Variants in FNBP4 observed in about 807,000 individuals in gnomAD.
FNBP4 encodes the protein formin binding protein 4.
A neutral mutation model predicts 119.3 loss-of-function variants in FNBP4; 34 were observed. That is an observed-to-expected ratio of 0.28 (90% CI 0.22 to 0.38). FNBP4 has a LOEUF of 0.38. FNBP4 is among the 10% of genes least tolerant of loss of function. The pLI, the probability that FNBP4 is intolerant of heterozygous loss-of-function variation, is 1.00. For synonymous variants in FNBP4, 462 were observed against 430.6 expected, an observed-to-expected ratio of 1.07 and a Z score of -0.90; for missense variants, 1,112 against 1,228.9, an observed-to-expected ratio of 0.90 and a Z score of 1.42.
chr11:47,720,023 A>C lies in FNBP4; in HGVS notation c.2869T>G (p.Leu957Val), dbSNP rs767735253. 1 of 1,613,826 alleles carries C rather than the reference A, an allele frequency of 6.2e-7. No homozygotes were observed. Among genetic ancestry groups the C allele is most frequent in the South Asian group, 1.1e-5 (1 of 91,078 alleles). Residue 957 changes from leucine to valine, a missense_variant, in exon 16 of 17, where the codon TTA becomes GTA. Transcript: ENST00000263773. ...VKKWQSIQRE[L>V]DEEDNSSSSE... ...GAACTAGAATTGTCCTCTTCATCTA[A>C]CTCACGCTGGATACTCTGCCACTTT...
chr11:47,758,732 G>A (rs748141692), intron 2 of FNBP4, among the ~76,000 whole-genome samples: 11 of 151,444 alleles, frequency 7.3e-5, no homozygotes, highest in African/African-American at 1.5e-4. Context: ...GGTGGTGCGC[G>A]CCTGTAATCC....
At position 47,767,291 on chromosome 11, in the gene FNBP4, C is replaced by G. The variant is rs202085842; in HGVS notation, c.-3G>C. On this transcript the variant is annotated 5_prime_UTR_variant, in exon 1 of 17. Coordinates refer to ENST00000263773, the MANE Select transcript of FNBP4 (RefSeq NM_015308.5). ...ACCGCCCGGGACTTCTTCCCCATCG[C>G]GAGCCCAAGCGCGAGCAGAGAGCGT... 7 of 1,503,656 alleles carry G rather than the reference C, an allele frequency of 4.7e-6. No homozygotes were observed. In the South Asian group the frequency reaches 6.3e-5, roughly 14 times the overall value. 93.1% of individuals were successfully genotyped at this position (1,503,656 alleles called of 1,614,324 possible). A position where few individuals can be genotyped will look rare whatever the true frequency, so the allele number is the denominator to read the frequency against.
At chr11:47,762,638 T>C (rs2097638034) in intron 2 of FNBP4, among the ~76,000 whole-genome samples, 1 of 151,706 alleles carries the variant, frequency 6.6e-6, no homozygotes, top group Non-Finnish European at 1.5e-5. Flanking sequence ...CTCGGCCAAG[T>C]GTGATGGCTC....
intron 4 of FNBP4, among the ~76,000 whole-genome samples, chr11:47,752,064 T>C (rs1050503816): frequency 4.6e-5 from 7 of 152,200 alleles, no homozygotes; most frequent in East Asian, 1.9e-4. Context: ...TTTTAAAAGA[T>C]AAAAATTACA....
intron 2 of FNBP4, among the ~76,000 whole-genome samples, chr11:47,758,821 T>C (rs977842561): frequency 6.6e-6 from 1 of 151,538 alleles, no homozygotes; most frequent in East Asian, 2.0e-4. Context: ...ATCACGTCAC[T>C]GTATTCCAGC....
In FNBP4 at chr11:47,757,059, C is replaced by A. The variant is rs2097620533; in HGVS notation, c.314-2395G>T. Among the ~76,000 whole-genome samples, 4 of 152,042 alleles carry A rather than the reference C, an allele frequency of 2.6e-5. No homozygotes were observed. In the South Asian group the frequency reaches 8.3e-4, roughly 32 times the overall value. On this transcript the variant is annotated intron_variant, in intron 2 of 16. Coordinates refer to ENST00000263773, the MANE Select transcript of FNBP4 (RefSeq NM_015308.5). ...GATTTATAATCCTTTGGGTATATACCCAGTAATGGGATCGCTGGGTCAAAT... is the reference window on the plus strand; with the variant it reads ...GATTTATAATCCTTTGGGTATATACACAGTAATGGGATCGCTGGGTCAAAT...
intron 2 of FNBP4, among the ~76,000 whole-genome samples, chr11:47,763,976 G>A (rs903194838): frequency 9.9e-5 from 15 of 152,098 alleles, no homozygotes; most frequent in African/African-American, 3.6e-4. Context: ...CCCCTAAAAA[G>A]GATGTTTTGG....
At chr11:47,765,529 G>A (rs1599278202) in intron 1 of FNBP4, among the ~76,000 whole-genome samples, 167 bp from the exon 2 acceptor site, 1 of 137,212 alleles carries the variant, frequency 7.3e-6, no homozygotes, top group Admixed American at 7.6e-5. Context: ...TTTCGGATGG[G>A]TTCGCACCTG....
At chr11:47,756,330 C>T (rs776367378) in intron 2 of FNBP4, among the ~76,000 whole-genome samples, 38 of 152,080 alleles carry the variant, frequency 2.5e-4, no homozygotes, top group Admixed American at 4.6e-4. Flanking sequence ...AATTTCACAG[C>T]GCTGACACAT....
chr11:47,722,926 C>T (rs2097557417), intron 15 of FNBP4, 50 bp downstream of exon 15: 1 of 1,447,598 alleles, frequency 6.9e-7, no homozygotes, highest in Non-Finnish European at 9.1e-7. Flanking sequence ...TGAATATAAC[C>T]TCAATAAAAT....
At chr11:47,760,047 A>G (rs2097629888) in intron 2 of FNBP4, among the ~76,000 whole-genome samples, 2 of 152,200 alleles carry the variant, frequency 1.3e-5, no homozygotes, top group Admixed American at 1.3e-4. Context: ...GCTGCATGGT[A>G]TTTTCATTAC....
rs1354666815 is a variant in FNBP4, at chr11:47,746,389, T to C, written c.912A>G (p.Val304=). Reference sequence around the variant, plus strand: ...TTGAGAGAGCCTGAATTCCTTCATTTACTTCCTATAAAGAACAAAATAATT... The same window carrying C: ...TTGAGAGAGCCTGAATTCCTTCATTCACTTCCTATAAAGAACAAAATAATT... ...VIAKREVKKE[V]NEGIQALSNS... The change falls in exon 7 of 17, where the codon GTA becomes GTG. Residue 304 remains valine, a synonymous_variant. Coordinates refer to ENST00000263773, the MANE Select transcript of FNBP4 (RefSeq NM_015308.5). 2 of 1,591,534 alleles carry C rather than the reference T, an allele frequency of 1.3e-6. No homozygotes were observed. The highest frequency in any genetic ancestry group is 1.7e-6 in the Non-Finnish European group (2 of 1,173,448).
Position 47,754,661 on chromosome 11 carries a change from CCGCCT to C in FNBP4, c.314-2_316del, listed in dbSNP as rs1599246446. ...AGCATAAGCACCAAGCAAGCATAGA[CCGCCT>C]AGAAACAAAAAGGTAAACAGTATTT... is the stretch of plus-strand genomic sequence containing the variant. On this transcript the variant is annotated splice_acceptor_variant and coding_sequence_variant, in exon 3 of 17. Coordinates refer to ENST00000263773, the MANE Select transcript of FNBP4 (RefSeq NM_015308.5). LOFTEE classifies it high-confidence loss of function. 1 of 1,613,172 alleles carries C rather than the reference CCGCCT, an allele frequency of 6.2e-7. No individual in the cohort carries two copies.
intron 8 of FNBP4, among the ~76,000 whole-genome samples, chr11:47,742,689 A>C (rs2097584011): frequency 1.3e-5 from 2 of 151,604 alleles, no homozygotes; most frequent in African/African-American, 2.4e-5. Context: ...GGAGTTCGAG[A>C]CCAGCCTTGC....
intron 8 of FNBP4, among the ~76,000 whole-genome samples, chr11:47,740,554 G>C (rs1037391131): frequency 6.6e-6 from 1 of 151,296 alleles, no homozygotes; most frequent in African/African-American, 2.4e-5. Flanking sequence ...TGTTCCTTTA[G>C]CTTCCTCATG....
intron 12 of FNBP4, chr11:47,725,621 G>T: frequency 4.8e-6 from 1 of 209,174 alleles, no homozygotes; most frequent in Non-Finnish European, 8.3e-6. Flanking sequence ...TTACGAAATT[G>T]CAGCTGAAAA....
chr11:47,751,345 A>G (rs2097603391), intron 4 of FNBP4, 55 bp from the exon 5 acceptor site: 2 of 1,600,346 alleles, frequency 1.2e-6, no homozygotes, highest in South Asian at 1.1e-5. Context: ...TGGCTTACAT[A>G]TAAGCTCAAA....
intron 6 of FNBP4, among the ~76,000 whole-genome samples, chr11:47,749,782 A>G (rs771374922): frequency 1.9e-4 from 29 of 152,158 alleles, no homozygotes; most frequent in Non-Finnish European, 3.4e-4. Context: ...TGCTCACTGG[A>G]GCATCTCAGA....
At chr11:47,731,936 G>A in intron 11 of FNBP4, 1 of 1,003,552 alleles carries the variant, frequency 1.0e-6, no homozygotes, top group Non-Finnish European at 1.2e-6. Flanking sequence ...CGAAGTTTGT[G>A]AAAGGTGACT....
Sources: gnomAD v4.1 joint callset for allele counts (sites outside exome capture counted in the v4.1 genomes callset) on GRCh38, gnomAD v4.1.1 for gene constraint, MANE v1.5 for transcripts, NCBI Gene and HGNC (gene_info 2026-07-23, HGNC 2026-07-21) for gene names.